The following AGXT2 variants were observed in gnomAD, a reference collection of about 807,000 sequenced individuals.
AGXT2 encodes alanine--glyoxylate aminotransferase 2, also known as alanine--glyoxylate aminotransferase 2, mitochondrial.
AGXT2 carries 61 observed loss-of-function variants against 62.5 expected under a neutral mutation model. That is an observed-to-expected ratio of 0.98 (90% CI 0.79 to 1.21). The LOEUF is 1.21. Ranked by LOEUF, AGXT2 falls within the 50% of genes most tolerant of loss-of-function variation. The probability of loss-of-function intolerance (pLI) is 0.00; values close to 1 mark genes in which losing one functional copy is unlikely to be tolerated. For synonymous variants in AGXT2, 243 were observed against 218.7 expected, an observed-to-expected ratio of 1.11 and a Z score of -0.98; for missense variants, 666 against 641.5, an observed-to-expected ratio of 1.04 and a Z score of -0.41.
chr5:35,025,771 C>T lies in AGXT2; in HGVS notation c.955G>A (p.Ala319Thr). 6.2e-7 allele frequency: 1 copy of T among 1,614,146 alleles called. No individual in the cohort carries two copies. The highest frequency in any genetic ancestry group is 8.5e-7 in the Non-Finnish European group (1 of 1,179,982). ...CCTTACATGCCACTTACTTCATCTG[C>T]AATGCACACGCCTCCCCTTGCTCGC... ...LVRARGGVCIADEVQTGFGRL... is the reference protein window; with the variant it reads ...LVRARGGVCITDEVQTGFGRL... Residue 319 changes from alanine to threonine, a missense_variant, in exon 9 of 14, where the codon GCA becomes ACA. Coordinates refer to ENST00000231420, the MANE Select transcript of AGXT2 (RefSeq NM_031900.4).
At chr5:35,012,682 A>G (rs1368050567) in intron 11 of AGXT2, 1 of 447,534 alleles carries the variant, frequency 2.2e-6, no homozygotes, top group East Asian at 4.3e-5. Context: ...CAAGATAACA[A>G]AGAAATTTCA....
chr5:35,008,035 T>C (rs559562191), intron 12 of AGXT2, among the ~76,000 whole-genome samples: 9 of 152,292 alleles, frequency 5.9e-5, no homozygotes, highest in African/African-American at 2.2e-4. Flanking sequence ...AGAAGCAGTC[T>C]GAGGCCCTCA....
chr5:35,003,693 T>G, intron 13 of AGXT2, 70 bp downstream of exon 13: 4 of 1,435,590 alleles, frequency 2.8e-6, no homozygotes, highest in Non-Finnish European at 3.9e-6. Context: ...GTGAAGAAAC[T>G]GTGACCAGCA....
At chr5:35,043,214 A>C (rs1768053821) in intron 1 of AGXT2, among the ~76,000 whole-genome samples, 8 of 152,192 alleles carry the variant, frequency 5.3e-5, no homozygotes. Context: ...CTCTAGGGAA[A>C]ATTCTCTTTG....
intron 3 of AGXT2, 114 bp from the exon 4 acceptor site, chr5:35,037,179 A>T: frequency 6.7e-7 from 1 of 1,491,148 alleles, no homozygotes; most frequent in Non-Finnish European, 9.1e-7. Flanking sequence ...CAAGAGGCAG[A>T]TTTTATTTAC....
At chr5:35,039,582 C>CAGG in intron 2 of AGXT2, 74 bp from the exon 3 acceptor site, 1 of 1,514,524 alleles carries the variant, frequency 6.6e-7, no homozygotes, top group Non-Finnish European at 9.1e-7. Flanking sequence ...GTAACAGAGC[C>CAGG]CAGGCTCTCT....
chr5:35,014,124 G>GA lies in AGXT2; in HGVS notation c.964-6dup, dbSNP rs755036633. ...CCTTCCAAATCCTGTCTGCACCTGG[G>GA]AAAACAAGTTCAAAACCATTGGAAA... On this transcript the variant is annotated splice_region_variant and splice_polypyrimidine_tract_variant and intron_variant, in intron 9 of 13. Coordinates refer to ENST00000231420, the MANE Select transcript of AGXT2 (RefSeq NM_031900.4). The GA allele has an allele frequency of 6.2e-7, 1 of 1,614,006 alleles. No individual in the cohort carries two copies. The highest frequency in any genetic ancestry group is 1.1e-5 in the South Asian group (1 of 91,076).
chr5:35,014,299 A>G (rs767742238), intron 9 of AGXT2, among the ~76,000 whole-genome samples, 180 bp from the exon 10 acceptor site: 1 of 151,792 alleles, frequency 6.6e-6, no homozygotes, highest in Non-Finnish European at 1.5e-5. Flanking sequence ...TAAAAATACA[A>G]AAAATTAGCC....
chr5:35,027,395 A>G (rs1404448925), intron 7 of AGXT2, among the ~76,000 whole-genome samples: 2 of 152,174 alleles, frequency 1.3e-5, no homozygotes, highest in African/African-American at 4.8e-5. Context: ...TTTTGGCTGC[A>G]TCTTACTGCT....
At chr5:35,035,622 C>T (rs570136715) in intron 4 of AGXT2, among the ~76,000 whole-genome samples, 11 of 152,004 alleles carry the variant, frequency 7.2e-5, no homozygotes, top group Admixed American at 2.0e-4. Context: ...CTGAGGGGCA[C>T]GCAGTGGTGA....
Position 35,003,790 on chromosome 5 carries a change from G to C in AGXT2, c.1410C>G (p.Leu470=), listed in dbSNP as rs1310483176. 1 of 1,614,148 alleles carries C rather than the reference G, an allele frequency of 6.2e-7. No homozygotes were observed. The highest frequency in any genetic ancestry group is 1.1e-5 in the South Asian group (1 of 91,080). ...IHEDCKHMGL[L]VGRGSIFSQT... is the part of the protein sequence containing the mutation. ...GAGAAAAAATGCTGCCTCTGCCAAC[G>C]AGGAGTCCCATGTGCTTGCAGTCCT... The change falls in exon 13 of 14, where the codon CTC becomes CTG. Residue 470 remains leucine, a synonymous_variant. Coordinates refer to ENST00000231420, the MANE Select transcript of AGXT2 (RefSeq NM_031900.4).
At chr5:35,018,140 G>A (rs937143222) in intron 9 of AGXT2, among the ~76,000 whole-genome samples, 2 of 152,188 alleles carry the variant, frequency 1.3e-5, no homozygotes, top group African/African-American at 2.4e-5. Flanking sequence ...CCAAGTTGGA[G>A]AACACTCTGC....
At chr5:35,023,669 T>A (rs1232423763) in intron 9 of AGXT2, among the ~76,000 whole-genome samples, 2 of 152,158 alleles carry the variant, frequency 1.3e-5, no homozygotes, top group African/African-American at 4.8e-5. Flanking sequence ...ATTAACTTTC[T>A]CCAGCCTGGA....
intron 7 of AGXT2, chr5:35,027,057 C>T (rs1172749469): frequency 4.1e-6 from 4 of 975,642 alleles, no homozygotes; most frequent in African/African-American, 3.5e-5. Context: ...TCCATCGCAG[C>T]CCTTGGCACT....
rs774742190 is a variant in AGXT2 at position 35,015,242 on chromosome 5, T to C, written c.964-1123A>G. 2.2e-4 allele frequency among the ~76,000 whole-genome samples: 33 copies of C among 152,184 alleles called. 1 individual carries two copies. Among genetic ancestry groups the C allele is most frequent in the Non-Finnish European group, 2.6e-4 (18 of 68,042 alleles). On this transcript the variant is annotated intron_variant, in intron 9 of 13. Transcript: ENST00000231420. ...TGTTATCACCAGTGGGCATGTCCGATGGCAGGGACTGTGTCTTATTCCATT... is the reference window on the plus strand; with the variant it reads ...TGTTATCACCAGTGGGCATGTCCGACGGCAGGGACTGTGTCTTATTCCATT...
At chr5:35,033,850 C>T (rs1029899073) in intron 5 of AGXT2, among the ~76,000 whole-genome samples, 13 of 152,118 alleles carry the variant, frequency 8.5e-5, no homozygotes, top group African/African-American at 3.1e-4. Flanking sequence ...CATCTTTTAG[C>T]AACAACATAC....
intron 9 of AGXT2, among the ~76,000 whole-genome samples, chr5:35,022,347 G>A (rs1246085076): frequency 6.6e-6 from 1 of 151,884 alleles, no homozygotes; most frequent in East Asian, 1.9e-4. Flanking sequence ...TGATAGACTG[G>A]ATTAAGAAAA....
At chr5:35,024,104 G>C (rs138639156) in intron 9 of AGXT2, among the ~76,000 whole-genome samples, 2 of 152,024 alleles carry the variant, frequency 1.3e-5, no homozygotes, top group African/African-American at 4.8e-5. Context: ...TGTTGGCTGG[G>C]CTGGTTTTGA....
At chr5:35,013,109 G>T in intron 10 of AGXT2, 64 bp from the exon 11 acceptor site, 1 of 1,407,158 alleles carries the variant, frequency 7.1e-7, no homozygotes, top group Non-Finnish European at 9.8e-7. Flanking sequence ...CTCTCATCGC[G>T]CCATTTGGAC....
Sources: allele counts gnomAD v4.1 joint callset (sites outside exome capture counted in the v4.1 genomes callset), GRCh38; gene constraint gnomAD v4.1.1; transcripts MANE v1.5; gene names NCBI Gene and HGNC (gene_info 2026-07-23, HGNC 2026-07-21).